The following SEMA6A variants were observed in gnomAD, a reference collection of about 807,000 sequenced individuals.
SEMA6A encodes the protein semaphorin-6A.
In SEMA6A, 25 loss-of-function variants were observed where a neutral mutation model predicts 96.8. That is an observed-to-expected ratio of 0.26 (90% CI 0.19 to 0.36). SEMA6A has a LOEUF of 0.36. SEMA6A is among the 10% of genes least tolerant of loss of function. SEMA6A has a pLI of 1.00. For synonymous variants in SEMA6A, 612 were observed against 518.0 expected, an observed-to-expected ratio of 1.18 and a Z score of -2.46; for missense variants, 1,363 against 1,323.1, an observed-to-expected ratio of 1.03 and a Z score of -0.47.
intron 1 of SEMA6A, among the ~76,000 whole-genome samples, chr5:116,534,603 T>G (rs899829478): frequency 6.6e-6 from 1 of 152,220 alleles, no homozygotes; most frequent in Non-Finnish European, 1.5e-5. Context: ...CTATGTGGGT[T>G]CCTGATAGCC....
chr5:116,507,534 C>A (rs575745031), intron 1 of SEMA6A, among the ~76,000 whole-genome samples: 2 of 152,140 alleles, frequency 1.3e-5, no homozygotes, highest in Non-Finnish European at 2.9e-5. Context: ...GTTTATAAAC[C>A]TTGAGTGAGC....
In SEMA6A at chr5:116,447,216, C is replaced by T; in HGVS notation, c.2490G>A (p.Val830=). 6.2e-7 allele frequency: 1 copy of T among 1,614,046 alleles called. No homozygotes were observed. The highest frequency in any genetic ancestry group is 8.5e-7 in the Non-Finnish European group (1 of 1,179,898). The part of the protein sequence containing the change: ...ITQQGYQHEY[V]DQPKMSEVAQ... Reference sequence around the variant, plus strand: ...CCACCTCGCTCATTTTGGGCTGGTCCACGTACTCATGCTGGTAGCCCTGCT... The same window carrying T: ...CCACCTCGCTCATTTTGGGCTGGTCTACGTACTCATGCTGGTAGCCCTGCT... The change falls in exon 19 of 19, where the codon GTG becomes GTA. Residue 830 remains valine (V), a synonymous_variant. Coordinates refer to ENST00000343348, the MANE Select transcript of SEMA6A (RefSeq NM_020796.5).
At chr5:116,478,929 A>AGTGTGTGTGT (rs34260068) in intron 12 of SEMA6A, among the ~76,000 whole-genome samples, 188 of 149,354 alleles carry the variant, frequency 1.3e-3, no homozygotes, top group Middle Eastern at 6.8e-3. Context: ...GGTGTGAGAG[A>AGTGTGTGTGT]GTGTGTGTGT....
chr5:116,518,449 T>C (rs1043861001), intron 1 of SEMA6A, among the ~76,000 whole-genome samples: 3 of 152,200 alleles, frequency 2.0e-5, no homozygotes, highest in Non-Finnish European at 4.4e-5. Flanking sequence ...CCATAATTAA[T>C]AGCACAGCAA....
intron 18 of SEMA6A, among the ~76,000 whole-genome samples, chr5:116,467,055 A>G (rs1002542572): frequency 3.9e-5 from 6 of 152,136 alleles, no homozygotes; most frequent in Non-Finnish European, 7.3e-5. Flanking sequence ...CTTAGCTACT[A>G]TCCTCTAAGG....
chr5:116,540,508 T>A (rs1759912243), intron 1 of SEMA6A, among the ~76,000 whole-genome samples: 1 of 152,200 alleles, frequency 6.6e-6, no homozygotes, highest in Admixed American at 6.5e-5. Flanking sequence ...GAAGGCCTGG[T>A]CCCTTTCATA....
At chr5:116,543,361 C>T (rs1374010983) in intron 1 of SEMA6A, among the ~76,000 whole-genome samples, 1 of 152,192 alleles carries the variant, frequency 6.6e-6, no homozygotes, top group East Asian at 1.9e-4. Context: ...CACGTTTTCA[C>T]GTTTTCCTAT....
Position 116,506,689 on chromosome 5 carries a change from G to T in SEMA6A, c.-38-1707C>A, listed in dbSNP as rs535077035. ...GGAGAGAAAGCATCTGGCGGGAGGG[G>T]GAGGGGGAGGGGTCAGGGAGAACTG... On this transcript the variant is annotated intron_variant, in intron 1 of 18. Coordinates refer to ENST00000343348, the MANE Select transcript of SEMA6A (RefSeq NM_020796.5). 2.6e-5 allele frequency among the ~76,000 whole-genome samples: 4 copies of T among 152,134 alleles called. No individual in the cohort carries two copies. In the East Asian group the frequency reaches 7.7e-4, roughly 29 times the overall value.
At chr5:116,501,493 T>G (rs1757878233) in intron 3 of SEMA6A, among the ~76,000 whole-genome samples, 1 of 152,200 alleles carries the variant, frequency 6.6e-6, no homozygotes, top group Admixed American at 6.5e-5. Flanking sequence ...ATATAGATTA[T>G]CAATGATATA....
intron 1 of SEMA6A, among the ~76,000 whole-genome samples, chr5:116,513,997 A>G (rs1458123298): frequency 6.6e-6 from 1 of 152,154 alleles, no homozygotes; most frequent in Non-Finnish European, 1.5e-5. Context: ...TCCATCATGT[A>G]TATGTACCAC....
chr5:116,572,101 G>A lies in SEMA6A; in HGVS notation c.-39+2084C>T, dbSNP rs191664079. 3.9e-5 allele frequency among the ~76,000 whole-genome samples: 6 copies of A among 152,272 alleles called. No homozygotes were observed. In the East Asian group the frequency reaches 1.2e-3, roughly 29 times the overall value. ...GCACTCGACCTTCCCATCCTGGCAA[G>A]ACTTAAAAACCAGCGCTGGGGGGCA... On this transcript the variant is annotated intron_variant, in intron 1 of 18. Coordinates refer to ENST00000343348, the MANE Select transcript of SEMA6A (RefSeq NM_020796.5).
chr5:116,475,179 ATCT>A (rs1412312167), intron 16 of SEMA6A, among the ~76,000 whole-genome samples: 1 of 152,210 alleles, frequency 6.6e-6, no homozygotes, highest in Non-Finnish European at 1.5e-5. Flanking sequence ...ACAATGATCA[ATCT>A]TATTATTATT....
chr5:116,559,808 C>T (rs1156623690), intron 1 of SEMA6A, among the ~76,000 whole-genome samples: 2 of 152,194 alleles, frequency 1.3e-5, no homozygotes, highest in African/African-American at 4.8e-5. Context: ...ATCCAACTGG[C>T]CTCAAATCCT....
intron 1 of SEMA6A, among the ~76,000 whole-genome samples, chr5:116,521,677 G>C (rs754900601): frequency 2.0e-5 from 3 of 147,570 alleles, no homozygotes; most frequent in Non-Finnish European, 3.1e-5. Context: ...GAAGGTATGA[G>C]AGAGAGTACT....
chr5:116,560,087 T>G (rs1760761332), intron 1 of SEMA6A, among the ~76,000 whole-genome samples: 1 of 152,192 alleles, frequency 6.6e-6, no homozygotes. Context: ...TCCCCACCTC[T>G]GGGCTTTGCT....
intron 11 of SEMA6A, among the ~76,000 whole-genome samples, chr5:116,481,459 A>G (rs17139897): frequency 0.12 from 18,114 of 152,172 alleles, 2,558 homozygotes; most frequent in African/African-American, 0.34. Flanking sequence ...TAATTCAGGT[A>G]ATGAAGATGG....
chr5:116,460,408 T>C (rs972753625), intron 18 of SEMA6A, among the ~76,000 whole-genome samples: 2 of 152,186 alleles, frequency 1.3e-5, no homozygotes, highest in African/African-American at 4.8e-5. Context: ...TATTCTAGAT[T>C]TCTAAGAGTT....
intron 13 of SEMA6A, 30 bp from the exon 14 acceptor site, chr5:116,478,184 A>C: frequency 6.2e-7 from 1 of 1,609,588 alleles, no homozygotes; most frequent in South Asian, 1.1e-5. Flanking sequence ...TAATATCATT[A>C]ATAGACTCTT....
At chr5:116,544,916 C>T (rs182952392) in intron 1 of SEMA6A, among the ~76,000 whole-genome samples, 1 of 152,298 alleles carries the variant, frequency 6.6e-6, no homozygotes, top group Admixed American at 6.5e-5. Context: ...CTTCCTGGTT[C>T]TCTTTGCCTT....
Sources: allele counts gnomAD v4.1 joint callset (sites outside exome capture counted in the v4.1 genomes callset), GRCh38; gene constraint gnomAD v4.1.1; transcripts MANE v1.5; gene names NCBI Gene and HGNC (gene_info 2026-07-23, HGNC 2026-07-21).